Variants in PDE1C observed in about 807,000 individuals in gnomAD.
PDE1C encodes the protein dual specificity calcium/calmodulin-dependent 3',5'-cyclic nucleotide phosphodiesterase 1C.
PDE1C carries 62 observed loss-of-function variants against 93.1 expected under a neutral mutation model. The ratio of observed to expected loss-of-function variants is 0.67; its 90% CI spans 0.54 to 0.82. The LOEUF is 0.82. Ranked by LOEUF, PDE1C falls within the 40% of genes least tolerant of loss-of-function variation. The probability of loss-of-function intolerance (pLI) is 0.00; values close to 1 mark genes in which losing one functional copy is unlikely to be tolerated. For synonymous variants in PDE1C, 325 were observed against 310.1 expected (o/e 1.05, Z -0.50); for missense variants, 742 against 884.6 (o/e 0.84, Z 2.04).
At chr7:31,762,807 T>C (rs1249907394) in intron 17 of PDE1C, among the ~76,000 whole-genome samples, 8 of 152,216 alleles carry the variant, frequency 5.3e-5, no homozygotes, top group Non-Finnish European at 1.2e-4. Context: ...GAGTTGATCC[T>C]GTCTGAACCA....
At chr7:31,732,771 G>A in the PDE1C span, among the ~76,000 whole-genome samples, 5 of 151,772 alleles carry the variant, frequency 3.3e-5, no homozygotes, top group Non-Finnish European at 5.9e-5. Flanking sequence ...ACATTTAACC[G>A]TTAATGTTAG....
At chr7:32,065,515 C>T (rs933754602) in intron 1 of PDE1C, among the ~76,000 whole-genome samples, 25 of 152,308 alleles carry the variant, frequency 1.6e-4, no homozygotes, top group South Asian at 8.3e-4. Context: ...TTCATCACCT[C>T]CAGGTACTCA....
intron 3 of PDE1C, among the ~76,000 whole-genome samples, chr7:32,122,197 T>G (rs1451543879): frequency 1.3e-5 from 2 of 152,190 alleles, no homozygotes; most frequent in Non-Finnish European, 2.9e-5. Context: ...ATGCATCCAA[T>G]ATAGGAGCAG....
At chr7:32,264,645 T>G (rs1810442437) in intron 1 of PDE1C, among the ~76,000 whole-genome samples, 1 of 152,230 alleles carries the variant, frequency 6.6e-6, no homozygotes, top group Admixed American at 6.5e-5. Flanking sequence ...GCAGCCCATG[T>G]GGAATGCTCA....
At chr7:32,142,296 C>T (rs1234125209) in intron 3 of PDE1C, among the ~76,000 whole-genome samples, 1 of 152,100 alleles carries the variant, frequency 6.6e-6, no homozygotes, top group Admixed American at 6.5e-5. Flanking sequence ...TTTATTCTTG[C>T]TCAAGAGCAA....
intron 2 of PDE1C, among the ~76,000 whole-genome samples, chr7:31,939,233 G>GA (rs1563068209): frequency 2.0e-5 from 3 of 148,824 alleles, no homozygotes; most frequent in African/African-American, 7.8e-5. Context: ...GAAGAAGAAG[G>GA]AGGAGGAGGA....
Position 32,315,892 on chromosome 7 carries a change from G to A in PDE1C, c.311-106353C>T, listed in dbSNP as rs116527188. ...TATCTGTAATCCCAGGTGCTCGGGA[G>A]GCTAAGGTGGGAGAATTGCTTGAAC... On this transcript the variant is annotated intron_variant, in intron 1 of 1. Coordinates refer to the PDE1C transcript ENST00000672256. Among the ~76,000 whole-genome samples the A allele has an allele frequency of 5.0e-3, 760 of 152,326 alleles. 9 individuals are homozygous for A. The highest frequency in any genetic ancestry group is 0.017 in the African/African-American group (717 of 41,562).
chr7:32,059,849 GT>G (rs1472703756), intron 1 of PDE1C, among the ~76,000 whole-genome samples: 1 of 152,176 alleles, frequency 6.6e-6, no homozygotes, highest in Admixed American at 6.5e-5. Context: ...GGAAGCCCAA[GT>G]AGTACGTTTT....
intron 1 of PDE1C, among the ~76,000 whole-genome samples, chr7:32,281,593 C>T (rs968663581): frequency 2.6e-5 from 4 of 152,024 alleles, no homozygotes; most frequent in Non-Finnish European, 1.5e-5. Context: ...CAAAACAAAA[C>T]TAAACTAAAG....
chr7:32,121,743 A>G (rs1322980329), intron 3 of PDE1C, among the ~76,000 whole-genome samples: 1 of 152,212 alleles, frequency 6.6e-6, no homozygotes, highest in East Asian at 1.9e-4. Flanking sequence ...GCAAGGAAAA[A>G]CCAGTACCAG....
the PDE1C span, chr7:31,708,336 T>G: frequency 6.6e-6 from 1 of 151,966 alleles, no homozygotes; most frequent in Non-Finnish European, 1.5e-5. Context: ...CAACTAAGAG[T>G]GATAATTTGG....
At chr7:32,248,500 G>T (rs1585026156) in intron 1 of PDE1C, among the ~76,000 whole-genome samples, 1 of 152,262 alleles carries the variant, frequency 6.6e-6, no homozygotes. Flanking sequence ...GTCCCAGAAG[G>T]GATTTCCCAG....
Position 32,083,652 on chromosome 7 carries a change from C to T in PDE1C, c.308+86133G>A, listed in dbSNP as rs774006769. On this transcript the variant is annotated intron_variant, in intron 3 of 18. Transcript: ENST00000396193. ...AGCCCATCAGACTAACAGCAGATCT[C>T]TCTGCAGAATCTCTACAAGCCAGAA... Among the ~76,000 whole-genome samples, 5 of 152,212 alleles carry T rather than the reference C, an allele frequency of 3.3e-5. No individual in the cohort carries two copies. In the East Asian group the frequency reaches 9.6e-4, roughly 29 times the overall value.
chr7:32,117,723 C>A (rs1408729752), intron 3 of PDE1C, among the ~76,000 whole-genome samples: 1 of 152,170 alleles, frequency 6.6e-6, no homozygotes, highest in Non-Finnish European at 1.5e-5. Context: ...TTTCTTATGG[C>A]AGGTTGCAGT....
At chr7:32,287,843 AT>A (rs1416903859) in intron 1 of PDE1C, among the ~76,000 whole-genome samples, 4 of 152,222 alleles carry the variant, frequency 2.6e-5, no homozygotes, top group Non-Finnish European at 5.9e-5. Context: ...GAGGGTAGGA[AT>A]CTGCACAGGA....
chr7:32,232,019 A>G (rs563166757), intron 1 of PDE1C, among the ~76,000 whole-genome samples: 3 of 152,128 alleles, frequency 2.0e-5, no homozygotes, highest in African/African-American at 7.2e-5. Flanking sequence ...GTCTGGTTCC[A>G]GATAAGATGA....
chr7:32,078,927 CA>C lies in PDE1C; in HGVS notation c.308+90857del, dbSNP rs112614033. On this transcript the variant is annotated intron_variant, in intron 3 of 18. Coordinates refer to the PDE1C transcript ENST00000396193. The stretch of plus-strand genomic sequence containing the variant: ...GGCAACAGAGCAAGACTCACTCTCT[CA>C]AAAAAAAAAAAAAGAAAATGCTAAG... Among the ~76,000 whole-genome samples, 563 of 129,182 alleles carry C rather than the reference CA, an allele frequency of 4.4e-3. 1 individual carries two copies. The highest frequency in any genetic ancestry group is 8.4e-3 in the African/African-American group (292 of 34,780). The allele number at this position is 129,182 out of a possible 152,430, so 84.7% of individuals were successfully genotyped here.
chr7:31,735,848 G>A, the PDE1C span, among the ~76,000 whole-genome samples: 8 of 152,222 alleles, frequency 5.3e-5, no homozygotes, highest in South Asian at 2.1e-4. Context: ...GTGGGAGATC[G>A]GTTTCAGGAC....
chr7:31,922,874 A>C (rs1802809867), intron 2 of PDE1C, among the ~76,000 whole-genome samples: 1 of 152,224 alleles, frequency 6.6e-6, no homozygotes, highest in African/African-American at 2.4e-5. Flanking sequence ...CCTTGAAAGA[A>C]TGTCAAGAAC....
Sources: gnomAD v4.1 joint callset for allele counts (sites outside exome capture counted in the v4.1 genomes callset) on GRCh38, gnomAD v4.1.1 for gene constraint, MANE v1.5 for transcripts, NCBI Gene and HGNC (gene_info 2026-07-23, HGNC 2026-07-21) for gene names.